Variants in PROS1 observed in about 807,000 individuals in gnomAD.
The protein encoded by PROS1 is protein S, also known as vitamin K-dependent protein S.
A neutral mutation model predicts 75.9 loss-of-function variants in PROS1; 29 were observed. The ratio of observed to expected loss-of-function variants is 0.38; its 90% confidence interval spans 0.28 to 0.52. PROS1 has a LOEUF of 0.52. Ranked by LOEUF, PROS1 falls within the 20% of genes least tolerant of loss-of-function variation. PROS1 has a pLI of 0.83. For missense variants in PROS1, 680 were observed against 810.3 expected (o/e 0.84, Z 1.95); for synonymous variants, 245 against 280.6 (o/e 0.87, Z 1.27).
rs956526236 is a variant in PROS1 at position 93,893,220 on chromosome 3, A to G, written c.966-98T>C. 4 of 1,077,018 alleles carry G rather than the reference A, an allele frequency of 3.7e-6. No homozygotes were observed. The African/African-American group carries it at 4.8e-5, about 13-fold the overall frequency. The allele number at this position is 1,077,018 out of a possible 1,614,324, so 66.7% of individuals were successfully genotyped here. A position where few individuals can be genotyped will look rare whatever the true frequency, so the allele number is the denominator to read the frequency against. On this transcript the variant is annotated intron_variant, in intron 9 of 14. Transcript: ENST00000394236. ...TGTACTGACAAACAGTAACACAGACAAAGAGTCAATTATTTATTTCTTTTT... is the reference window on the plus strand; with the variant it reads ...TGTACTGACAAACAGTAACACAGACGAAGAGTCAATTATTTATTTCTTTTT...
At chr3:93,893,635 T>C (rs1708462690) in intron 9 of PROS1, among the ~76,000 whole-genome samples, 1 of 152,234 alleles carries the variant, frequency 6.6e-6, no homozygotes, top group South Asian at 2.1e-4. Flanking sequence ...ATATTTTCCC[T>C]ATAATTTCAC....
chr3:93,896,105 A>T (rs971119314), intron 9 of PROS1, among the ~76,000 whole-genome samples: 28 of 152,236 alleles, frequency 1.8e-4, no homozygotes, highest in African/African-American at 5.3e-4. Context: ...AAGTATTTAG[A>T]CAGCCAACTA....
intron 3 of PROS1, among the ~76,000 whole-genome samples, chr3:93,923,098 C>T (rs1467532898): frequency 6.6e-6 from 1 of 152,078 alleles, no homozygotes; most frequent in East Asian, 1.9e-4. Context: ...GATCCCACAT[C>T]TTGTGTTTTT....
At chr3:93,930,649 C>T (rs1709093315) in intron 1 of PROS1, among the ~76,000 whole-genome samples, 1 of 152,272 alleles carries the variant, frequency 6.6e-6, no homozygotes, top group Non-Finnish European at 1.5e-5. Flanking sequence ...TGTATTCATG[C>T]TTGTGAAAGC....
chr3:93,914,182 C>G (rs1708804684), intron 3 of PROS1, among the ~76,000 whole-genome samples: 1 of 152,214 alleles, frequency 6.6e-6, no homozygotes, highest in Non-Finnish European at 1.5e-5. Flanking sequence ...TAGTTCTGGG[C>G]TCTCGGGGCT....
At chr3:93,940,600 C>T (rs1023493087) in intron 1 of PROS1, among the ~76,000 whole-genome samples, 1 of 152,106 alleles carries the variant, frequency 6.6e-6, no homozygotes, top group Admixed American at 6.5e-5. Context: ...AAATTATCTG[C>T]TTCCCTGATG....
rs575202462 is a variant in PROS1, at chr3:93,943,886, G to C, written c.77-16479C>G. ...CACCTTGTGACCCCTGCCCCTGTCC[G>C]CCAGAGAACAACCCTTTTGACTGTA... On this transcript the variant is annotated intron_variant, in intron 1 of 14. Transcript: ENST00000394236. Among the ~76,000 whole-genome samples, 7 of 152,184 alleles carry C rather than the reference G, an allele frequency of 4.6e-5. No homozygotes were observed. In the East Asian group the frequency reaches 1.4e-3, roughly 29 times the overall value.
intron 1 of PROS1, chr3:93,968,102 CATGAT>C (rs1709817347): frequency 6.6e-6 from 1 of 152,112 alleles, no homozygotes; most frequent in Non-Finnish European, 1.5e-5. Flanking sequence ...AAGTACTTGT[CATGAT>C]ATGATGTTTA....
Position 93,898,585 on chromosome 3 carries a change from C to A in PROS1, c.728-16G>T. ...TCATCTATATCTGAGGTAAAAAAAACACACGCACACAAACTTTAATATCCC... is the reference window on the plus strand; with the variant it reads ...TCATCTATATCTGAGGTAAAAAAAAAACACGCACACAAACTTTAATATCCC... On this transcript the variant is annotated splice_polypyrimidine_tract_variant and intron_variant, in intron 7 of 14. Coordinates refer to ENST00000394236, the MANE Select transcript of PROS1 (RefSeq NM_000313.4). 2 of 1,610,442 alleles carry A rather than the reference C, an allele frequency of 1.2e-6. No homozygotes were observed. The highest frequency in any genetic ancestry group is 1.7e-6 in the Non-Finnish European group (2 of 1,177,422).
chr3:93,968,647 T>A (rs1208513913), intron 1 of PROS1, among the ~76,000 whole-genome samples: 2 of 152,124 alleles, frequency 1.3e-5, no homozygotes, highest in African/African-American at 2.4e-5. Context: ...AGGAATGCAT[T>A]CACTAGGGGA....
chr3:93,906,829 A>G lies in PROS1; in HGVS notation c.347-686T>C, dbSNP rs535739609. Among the ~76,000 whole-genome samples, 54 of 152,302 alleles carry G rather than the reference A, an allele frequency of 3.5e-4. No individual in the cohort carries two copies. The South Asian group carries it at 7.7e-3, about 22-fold the overall frequency. The stretch of plus-strand genomic sequence containing the variant: ...CACTCTGGTCATGGAACAAGGTTGG[A>G]GCTGAAGCCAGCTGTTGTCGCAGCC... On this transcript the variant is annotated intron_variant, in intron 4 of 14. Transcript: ENST00000394236.
chr3:93,926,053 G>A lies in PROS1; in HGVS notation c.234+1197C>T, dbSNP rs1275269312. Among the ~76,000 whole-genome samples, 3 of 151,966 alleles carry A rather than the reference G, an allele frequency of 2.0e-5. No homozygotes were observed. In the East Asian group the frequency reaches 5.8e-4, roughly 29 times the overall value. Reference sequence around the variant, plus strand: ...TAAGCTGATAGAATGTATCCATTGTGTTAGAAATACACACTCAATATTAAT... The same window carrying A: ...TAAGCTGATAGAATGTATCCATTGTATTAGAAATACACACTCAATATTAAT... On this transcript the variant is annotated intron_variant, in intron 2 of 14. Transcript: ENST00000394236.
intron 10 of PROS1, among the ~76,000 whole-genome samples, chr3:93,887,894 G>GAGT (rs1402115246): frequency 6.6e-6 from 1 of 152,222 alleles, no homozygotes; most frequent in Non-Finnish European, 1.5e-5. Flanking sequence ...TTGTCACAAT[G>GAGT]AGTAGGGGCC....
rs1371703097 is a variant in PROS1 at position 93,927,864 on chromosome 3, T to G, written c.77-457A>C. Among the ~76,000 whole-genome samples the G allele has an allele frequency of 9.6e-4, 135 of 140,276 alleles. 1 individual carries two copies. Among genetic ancestry groups the G allele is most frequent in the African/African-American group, 3.4e-3 (130 of 38,666 alleles). The allele number at this position is 140,276 out of a possible 152,430, so 92.0% of individuals were successfully genotyped here. Reference sequence around the variant, plus strand: ...CAAAAAACAAACATATATATATATATATATATATATGTGTGTATGTGTATA... The same window carrying G: ...CAAAAAACAAACATATATATATATAGATATATATATGTGTGTATGTGTATA... On this transcript the variant is annotated intron_variant, in intron 1 of 14. Coordinates refer to ENST00000394236, the MANE Select transcript of PROS1 (RefSeq NM_000313.4).
rs542871962 is a variant in PROS1 at position 93,916,558 on chromosome 3, A to G, written c.260-5853T>C. On this transcript the variant is annotated intron_variant, in intron 3 of 14. Coordinates refer to ENST00000394236, the MANE Select transcript of PROS1 (RefSeq NM_000313.4). The stretch of plus-strand genomic sequence containing the variant: ...CTACTCCAAAGCAGTGTAATACAGA[A>G]CCCTCATATTCCCACTTCTCTTTCT... Among the ~76,000 whole-genome samples the G allele has an allele frequency of 2.0e-5, 3 of 152,238 alleles. No individual in the cohort carries two copies. In the South Asian group the frequency reaches 6.2e-4, roughly 32 times the overall value.
rs1022954804 is a variant in PROS1, at chr3:93,905,649, G to A, written c.601+135C>T. On this transcript the variant is annotated intron_variant, in intron 6 of 14. Coordinates refer to ENST00000394236, the MANE Select transcript of PROS1 (RefSeq NM_000313.4). Reference sequence around the variant, plus strand: ...AAAAAGCAGTTCCACAGTATCACAAGGCTTCAATGTCGATAAAAATGTGTT... The same window carrying A: ...AAAAAGCAGTTCCACAGTATCACAAAGCTTCAATGTCGATAAAAATGTGTT... 1.3e-5 allele frequency: 12 copies of A among 936,390 alleles called. No homozygotes were observed. The African/African-American group carries it at 1.8e-4, about 14-fold the overall frequency. 58.0% of individuals were successfully genotyped at this position (936,390 alleles called of 1,614,324 possible). A position where few individuals can be genotyped will look rare whatever the true frequency, so the allele number is the denominator to read the frequency against.
intron 3 of PROS1, among the ~76,000 whole-genome samples, chr3:93,921,013 A>G (rs1323683601): frequency 6.6e-6 from 1 of 152,186 alleles, no homozygotes; most frequent in East Asian, 1.9e-4. Flanking sequence ...ATAACTAAGT[A>G]GTGATCTCTA....
At chr3:93,941,049 C>A (rs997845142) in intron 1 of PROS1, among the ~76,000 whole-genome samples, 1 of 152,124 alleles carries the variant, frequency 6.6e-6, no homozygotes, top group African/African-American at 2.4e-5. Flanking sequence ...CCCCTCATCC[C>A]AGCCTCTCTT....
intron 4 of PROS1, among the ~76,000 whole-genome samples, chr3:93,907,447 G>C (rs1708693080): frequency 6.6e-6 from 1 of 152,128 alleles, no homozygotes; most frequent in South Asian, 2.1e-4. Flanking sequence ...TCTACTGAAA[G>C]CTGCAGAGAC....
Sources: gnomAD v4.1 joint callset for allele counts (sites outside exome capture counted in the v4.1 genomes callset) on GRCh38, gnomAD v4.1.1 for gene constraint, MANE v1.5 for transcripts, NCBI Gene and HGNC (gene_info 2026-07-23, HGNC 2026-07-21) for gene names.